Variants in ZIC4 observed in about 807,000 individuals in gnomAD.
ZIC4 encodes Zic family zinc finger 4, also known as zinc finger protein ZIC 4.
Under a neutral mutation model 28.8 loss-of-function variants are expected in ZIC4, and 15 were observed. The observed-to-expected ratio is 0.52, with a 90% CI of 0.35 to 0.80. The LOEUF (loss-of-function observed/expected upper bound fraction) is 0.80. Ranked by LOEUF, ZIC4 falls within the 30% of genes least tolerant of loss-of-function variation. The pLI, the probability that ZIC4 is intolerant of heterozygous loss-of-function variation, is 0.01. For missense variants in ZIC4, 512 were observed against 467.1 expected (o/e 1.10, Z -0.89); for synonymous variants, 220 against 198.1 (o/e 1.11, Z -0.93).
chr3:147,386,697 C>A lies in ZIC4; in HGVS notation c.*2162G>T, dbSNP rs1576451183. On this transcript the variant is annotated 3_prime_UTR_variant, in exon 5 of 5. Coordinates refer to ENST00000383075, the MANE Select transcript of ZIC4 (RefSeq NM_032153.6). Reference sequence around the variant, plus strand: ...GGGCACAATATAAAATGAACAACTTCACACGTGAATGAAGGGAAGGATGGG... The same window carrying A: ...GGGCACAATATAAAATGAACAACTTAACACGTGAATGAAGGGAAGGATGGG... 1 of 152,354 alleles carries A rather than the reference C, an allele frequency of 6.6e-6. No individual in the cohort carries two copies. Among genetic ancestry groups the A allele is most frequent in the East Asian group, 1.9e-4 (1 of 5,184 alleles). The allele number at this position is 152,354 out of a possible 1,614,324, so 9.4% of individuals were successfully genotyped here. A position where few individuals can be genotyped will look rare whatever the true frequency, so the allele number is the denominator to read the frequency against.
At chr3:147,393,779 G>A (rs2086977364) in intron 3 of ZIC4, 2 of 416,428 alleles carry the variant, frequency 4.8e-6, no homozygotes, top group Non-Finnish European at 9.7e-6. Context: ...GGCCCCGGCC[G>A]AGGGGTCCCT....
chr3:147,401,947 C>T (rs1376602093), intron 2 of ZIC4, among the ~76,000 whole-genome samples: 1 of 152,122 alleles, frequency 6.6e-6, no homozygotes, highest in African/African-American at 2.4e-5. Flanking sequence ...TCTCTTGAGA[C>T]TTTTGCCATT....
intron 2 of ZIC4, chr3:147,397,133 C>G (rs946788316): frequency 8.6e-5 from 13 of 152,008 alleles, no homozygotes; most frequent in African/African-American, 3.1e-4. Context: ...GATTTGGGCG[C>G]GCCCACCCCC....
At position 147,404,194 on chromosome 3, in the gene ZIC4, CT is replaced by C. The variant is rs796937202; in HGVS notation, c.-15-1383del. On this transcript the variant is annotated intron_variant, in intron 1 of 4. Coordinates refer to ENST00000383075, the MANE Select transcript of ZIC4 (RefSeq NM_032153.6). ...AATAATAGAATTTACTCTTTTGCTT[CT>C]GGGGGAAATGGGTGTGAGGTTCCCT... 30 of 1,484,790 alleles carry C rather than the reference CT, an allele frequency of 2.0e-5. No individual in the cohort carries two copies. In the African/African-American group the frequency reaches 3.6e-4, roughly 18 times the overall value. The allele number at this position is 1,484,790 out of a possible 1,614,324, so 92.0% of individuals were successfully genotyped here.
chr3:147,405,065 C>T (rs2087246728), intron 1 of ZIC4, among the ~76,000 whole-genome samples: 1 of 152,236 alleles, frequency 6.6e-6, no homozygotes, highest in African/African-American at 2.4e-5. Context: ...ACCTTTCTGG[C>T]TCCCCTCCAT....
intron 1 of ZIC4, chr3:147,404,086 A>C (rs1398773998): frequency 6.5e-7 from 1 of 1,536,892 alleles, no homozygotes; most frequent in African/African-American, 1.4e-5. Context: ...GCATTCCTAC[A>C]GAAGGGCGGC....
intron 2 of ZIC4, among the ~76,000 whole-genome samples, chr3:147,402,157 A>T (rs2087177358): frequency 6.6e-6 from 1 of 152,204 alleles, no homozygotes; most frequent in African/African-American, 2.4e-5. Flanking sequence ...TGGAATATTA[A>T]ATTAAATTCT....
chr3:147,404,211 G>A (rs764470265), intron 1 of ZIC4: 19 of 1,470,822 alleles, frequency 1.3e-5, no homozygotes, highest in Non-Finnish European at 1.7e-5. Context: ...AAATGGGTGT[G>A]AGGTTCCCTA....
rs550141218 is a variant in ZIC4, at chr3:147,400,120, G to A, written c.70+2608C>T. Among the ~76,000 whole-genome samples the A allele has an allele frequency of 8.5e-5, 13 of 152,276 alleles. No individual in the cohort carries two copies. The South Asian group carries it at 2.7e-3, about 32-fold the overall frequency. On this transcript the variant is annotated intron_variant, in intron 2 of 4. Coordinates refer to ENST00000383075, the MANE Select transcript of ZIC4 (RefSeq NM_032153.6). ...TTGAACTTCTAATAGTCCAGTATTTGCTGCACATATTCATCATAGAAGAAA... is the reference window on the plus strand; with the variant it reads ...TTGAACTTCTAATAGTCCAGTATTTACTGCACATATTCATCATAGAAGAAA...
intron 3 of ZIC4, among the ~76,000 whole-genome samples, chr3:147,394,420 C>G (rs1017190813): frequency 1.4e-5 from 2 of 146,936 alleles, no homozygotes; most frequent in African/African-American, 5.0e-5. Flanking sequence ...TTCTGCTTCA[C>G]AGAATTCAAA....
At chr3:147,391,638 A>C in intron 3 of ZIC4, 1 of 167,558 alleles carries the variant, frequency 6.0e-6, no homozygotes, top group Non-Finnish European at 1.3e-5. Flanking sequence ...AATATAGTTA[A>C]CGGGGAAGCT....
chr3:147,400,617 C>T (rs1483665058), intron 2 of ZIC4, among the ~76,000 whole-genome samples: 3 of 152,232 alleles, frequency 2.0e-5, no homozygotes, highest in African/African-American at 7.2e-5. Context: ...AGACATTCTC[C>T]TCGAAGGACA....
At chr3:147,400,347 C>CT (rs1460476264) in intron 2 of ZIC4, among the ~76,000 whole-genome samples, 1 of 152,208 alleles carries the variant, frequency 6.6e-6, no homozygotes, top group East Asian at 1.9e-4. Context: ...TTGTGTATGA[C>CT]TTTTTTGTGC....
chr3:147,393,503 G>A (rs1212255350), intron 3 of ZIC4: 2 of 189,716 alleles, frequency 1.1e-5, no homozygotes, highest in African/African-American at 4.8e-5. Context: ...CGCTCGGAGC[G>A]TCCTAGGCCC....
intron 3 of ZIC4, chr3:147,392,023 C>G: frequency 1.0e-6 from 1 of 985,516 alleles, no homozygotes; most frequent in Non-Finnish European, 1.2e-6. Flanking sequence ...TATTTCATTA[C>G]GCTGCTCCAG....
rs1266874499 is a variant in ZIC4 at position 147,387,597 on chromosome 3, A to T, written c.*1262T>A. ...CTGGGGTACTTGGATAAAATAAACA[A>T]CAAGACAATTAAGGGAACATGGACT... On this transcript the variant is annotated 3_prime_UTR_variant, in exon 5 of 5. Transcript: ENST00000383075. The T allele has an allele frequency of 6.6e-6, 1 of 152,644 alleles. No homozygotes were observed. The allele number at this position is 152,644 out of a possible 1,614,324, so 9.5% of individuals were successfully genotyped here.
rs531564948 is a variant in ZIC4, at chr3:147,388,624, G to T, written c.*235C>A. 1.4e-5 allele frequency: 7 copies of T among 505,790 alleles called. No homozygotes were observed. In the South Asian group the frequency reaches 2.7e-4, roughly 19 times the overall value. The allele number at this position is 505,790 out of a possible 1,614,324, so 31.3% of individuals were successfully genotyped here. A position where few individuals can be genotyped will look rare whatever the true frequency, so the allele number is the denominator to read the frequency against. ...ATATACTTGTATACACAAGAAAAAA[G>T]GTCTGTTAGACGTAAATATTATGTC... On this transcript the variant is annotated 3_prime_UTR_variant, in exon 5 of 5. Coordinates refer to ENST00000383075, the MANE Select transcript of ZIC4 (RefSeq NM_032153.6).
At chr3:147,402,865 G>C in intron 1 of ZIC4, 53 bp from the exon 2 acceptor site, 1 of 1,454,798 alleles carries the variant, frequency 6.9e-7, no homozygotes, top group Non-Finnish European at 9.6e-7. Flanking sequence ...TTACACGTCT[G>C]TGTGGCAACA....
At chr3:147,403,948 AG>A (rs1288943654) in intron 1 of ZIC4, 4 of 1,534,964 alleles carry the variant, frequency 2.6e-6, no homozygotes, top group Middle Eastern at 1.7e-4. Context: ...CCTAGGAGGC[AG>A]GGGGGTAGAC....
Sources: gnomAD v4.1 joint callset for allele counts (sites outside exome capture counted in the v4.1 genomes callset) on GRCh38, gnomAD v4.1.1 for gene constraint, MANE v1.5 for transcripts, NCBI Gene and HGNC (gene_info 2026-07-23, HGNC 2026-07-21) for gene names.